The following CYRIB variants were observed in gnomAD, a reference collection of about 807,000 sequenced individuals.
CYRIB encodes the protein CYFIP related Rac1 interactor B, also known as CYFIP-related Rac1 interactor B.
A neutral mutation model predicts 44.2 loss-of-function variants in CYRIB; 8 were observed. That is an observed-to-expected ratio of 0.18 (90% CI 0.11 to 0.33). CYRIB has a LOEUF of 0.33. CYRIB is among the 10% of genes least tolerant of loss of function. The pLI is 1.00. For synonymous variants in CYRIB, 131 were observed against 127.2 expected (o/e 1.03, Z -0.20); for missense variants, 185 against 382.8 (o/e 0.48, Z 4.31).
At chr8:129,897,152 G>A (rs755919890) in intron 2 of CYRIB, among the ~76,000 whole-genome samples, 10 of 152,078 alleles carry the variant, frequency 6.6e-5, no homozygotes, top group South Asian at 2.1e-4. Context: ...GACCATTCAC[G>A]GTCAAATGGA....
intron 1 of CYRIB, among the ~76,000 whole-genome samples, chr8:129,996,327 T>C (rs2096764921): frequency 6.6e-6 from 1 of 152,118 alleles, no homozygotes; most frequent in African/African-American, 2.4e-5. Flanking sequence ...AAGCTCCCTG[T>C]ATCAGCACTG....
intron 1 of CYRIB, among the ~76,000 whole-genome samples, chr8:129,918,861 A>T (rs1025632843): frequency 1.7e-4 from 26 of 152,204 alleles, no homozygotes; most frequent in African/African-American, 5.8e-4. Context: ...TGCTAAAATG[A>T]TTTGTTTGGG....
In CYRIB at chr8:129,984,599, C is replaced by T. The variant is rs905428076; in HGVS notation, c.-295-13604G>A. 2.0e-5 allele frequency among the ~76,000 whole-genome samples: 3 copies of T among 152,118 alleles called. No individual in the cohort carries two copies. The South Asian group carries it at 6.2e-4, about 31-fold the overall frequency. ...ATGCGGCCACTGCCCTGCCCTCCCC[C>T]AACACCTTTTTTCCTCCCTCTTACA... On this transcript the variant is annotated intron_variant, in intron 1 of 14. Transcript: ENST00000401979.
intron 2 of CYRIB, among the ~76,000 whole-genome samples, chr8:129,891,481 G>A (rs1718394434): frequency 6.6e-6 from 1 of 152,164 alleles, no homozygotes; most frequent in South Asian, 2.1e-4. Flanking sequence ...GAAATGTAAA[G>A]GAAGAGACAG....
At chr8:129,841,390 G>GTAT (rs2036243581) in exon 12 of CYRIB, 1 of 152,498 alleles carries the variant, frequency 6.6e-6, no homozygotes, top group Non-Finnish European at 1.5e-5. Flanking sequence ...ATCATGTAAT[G>GTAT]TATATATGCA....
Position 129,927,474 on chromosome 8 carries a change from T to C in CYRIB, c.-50+12134A>G, listed in dbSNP as rs541763907. Reference sequence around the variant, plus strand: ...AAAGTCCCTGCAGAAAGAAAAATAATCAGTTCTCTCTTAAAGCTGACAATA... The same window carrying C: ...AAAGTCCCTGCAGAAAGAAAAATAACCAGTTCTCTCTTAAAGCTGACAATA... On this transcript the variant is annotated intron_variant, in intron 1 of 11. Coordinates refer to ENST00000519824, the Ensembl canonical transcript of CYRIB. Among the ~76,000 whole-genome samples, 45 of 152,256 alleles carry C rather than the reference T, an allele frequency of 3.0e-4. No homozygotes were observed. The East Asian group carries it at 7.9e-3, about 27-fold the overall frequency.
At chr8:129,853,509 TTAC>T (rs2044465185) in intron 7 of CYRIB, among the ~76,000 whole-genome samples, 1 of 152,230 alleles carries the variant, frequency 6.6e-6, no homozygotes, top group Non-Finnish European at 1.5e-5. Context: ...CCTTACATAG[TTAC>T]AGTATTTCTC....
intron 1 of CYRIB, among the ~76,000 whole-genome samples, chr8:129,931,586 C>G (rs2091375980): frequency 6.6e-6 from 1 of 152,078 alleles, no homozygotes; most frequent in Non-Finnish European, 1.5e-5. Flanking sequence ...AAAAAATGAA[C>G]AGCACCAATA....
exon 4 of CYRIB, chr8:129,871,435 A>G: frequency 1.2e-6 from 2 of 1,612,014 alleles, no homozygotes; most frequent in Non-Finnish European, 8.5e-7. Flanking sequence ...TGCCTTCTGC[A>G]TCTTTTAATA....
At chr8:129,863,400 C>G (rs2051097023) in intron 4 of CYRIB, among the ~76,000 whole-genome samples, 7 of 151,978 alleles carry the variant, frequency 4.6e-5, no homozygotes, top group Admixed American at 4.6e-4. Context: ...TGGTGTGTGC[C>G]TGTAATCCCA....
At chr8:129,843,490 C>T (rs921740072) in intron 11 of CYRIB, among the ~76,000 whole-genome samples, 5 of 152,184 alleles carry the variant, frequency 3.3e-5, no homozygotes, top group African/African-American at 9.7e-5. Context: ...GTGTTCAATG[C>T]GTGAATGTGG....
intron 5 of CYRIB, among the ~76,000 whole-genome samples, chr8:129,859,465 C>T (rs994914988): frequency 6.6e-6 from 1 of 152,116 alleles, no homozygotes; most frequent in South Asian, 2.1e-4. Flanking sequence ...TCTCTAAACT[C>T]CCCCGGGGAA....
chr8:129,842,609 G>T (rs958567114), intron 11 of CYRIB, among the ~76,000 whole-genome samples: 3 of 151,978 alleles, frequency 2.0e-5, no homozygotes, highest in African/African-American at 7.3e-5. Context: ...TGGATGACTG[G>T]GGGGCAAAGG....
intron 10 of CYRIB, among the ~76,000 whole-genome samples, chr8:129,848,103 G>A (rs150236036): frequency 1.2e-3 from 180 of 152,250 alleles, no homozygotes; most frequent in Admixed American, 3.1e-3. Flanking sequence ...ACTGCACCCG[G>A]CCTACTAGCA....
At chr8:129,839,723 C>A (rs977034202) in exon 12 of CYRIB, 1 of 152,190 alleles carries the variant, frequency 6.6e-6, no homozygotes, top group Non-Finnish European at 1.5e-5. Flanking sequence ...ACAAGCTGTA[C>A]AAAAACAGAC....
rs1001700833 is a variant in CYRIB, at chr8:129,848,746, T to C, written c.840+497A>G. Among the ~76,000 whole-genome samples, 7 of 151,804 alleles carry C rather than the reference T, an allele frequency of 4.6e-5. 1 individual carries two copies. The highest frequency in any genetic ancestry group is 5.9e-5 in the Non-Finnish European group (4 of 67,926). ...ACCACACCTGGCTAATTTTTTTTTT[T>C]TTTTTGTAGAAATGGGGGTCTCACT... is the stretch of plus-strand genomic sequence containing the variant. On this transcript the variant is annotated intron_variant, in intron 10 of 11. Transcript: ENST00000519824.
In CYRIB at chr8:130,010,611, G is replaced by A. The variant is rs142184736; in HGVS notation, c.-296+5759C>T. On this transcript the variant is annotated intron_variant, in intron 1 of 14. Transcript: ENST00000401979. The stretch of plus-strand genomic sequence containing the variant: ...TGGGCTTATTCAGCACCTGCTGGCA[G>A]ACAGAGGTGGTCTCTCTCCCACCCC... Among the ~76,000 whole-genome samples, 88 of 152,302 alleles carry A rather than the reference G, an allele frequency of 5.8e-4. 1 individual carries two copies. The highest frequency in any genetic ancestry group is 1.9e-3 in the African/African-American group (81 of 41,554).
chr8:129,932,072 C>T (rs1214260996), intron 1 of CYRIB, among the ~76,000 whole-genome samples: 2 of 148,542 alleles, frequency 1.3e-5, no homozygotes, highest in East Asian at 2.0e-4. Flanking sequence ...AATCTCGGCT[C>T]ACCGCAACCT....
chr8:129,980,385 A>C (rs1376736632), intron 1 of CYRIB, among the ~76,000 whole-genome samples: 1 of 152,238 alleles, frequency 6.6e-6, no homozygotes, highest in Admixed American at 6.5e-5. Flanking sequence ...AATGTTCAAA[A>C]GAAGTTTTTT....
Sources: gnomAD v4.1 joint callset for allele counts (sites outside exome capture counted in the v4.1 genomes callset) on GRCh38, gnomAD v4.1.1 for gene constraint, MANE v1.5 for transcripts, NCBI Gene and HGNC (gene_info 2026-07-23, HGNC 2026-07-21) for gene names.